MROH2A: variants seen among roughly 807,000 people sequenced by gnomAD.
The protein encoded by MROH2A is maestro heat like repeat family member 2A.
In MROH2A, 174 loss-of-function variants were observed where a neutral mutation model predicts 200.4. The ratio of observed to expected loss-of-function variants is 0.87; its 90% CI spans 0.77 to 0.98. MROH2A has a LOEUF of 0.98. Among genes scored for constraint, MROH2A ranks in the 50% least tolerant of loss-of-function variants. The probability of loss-of-function intolerance (pLI) is 0.00; values close to 1 mark genes in which losing one functional copy is unlikely to be tolerated. For missense variants in MROH2A, 2,045 were observed against 2,139.6 expected (o/e 0.96, Z 0.87); for synonymous variants, 829 against 840.4 (o/e 0.99, Z 0.23).
At chr2:233,794,247 C>T in intron 7 of MROH2A, 116 bp from the exon 8 acceptor site, 3 of 766,088 alleles carry the variant, frequency 3.9e-6, no homozygotes, top group Non-Finnish European at 6.4e-6. Flanking sequence ...AGACCTTGCT[C>T]TGCTTCTGAG....
chr2:233,824,991 T>C lies in MROH2A; in HGVS notation c.4113+1327T>C, dbSNP rs1338188388. Among the ~76,000 whole-genome samples, 3 of 152,240 alleles carry C rather than the reference T, an allele frequency of 2.0e-5. No homozygotes were observed. In the East Asian group the frequency reaches 5.8e-4, roughly 29 times the overall value. On this transcript the variant is annotated intron_variant, in intron 35 of 41. Transcript: ENST00000389758. ...TTTTTCCATTTGTTTGTGTACTCTC[T>C]GGTTTCTTTGAGCAGAGGTTTGTAG...
chr2:233,807,592 C>G lies in MROH2A; in HGVS notation c.2172+50C>G. The G allele has an allele frequency of 1.3e-6, 2 of 1,547,182 alleles. No individual in the cohort carries two copies. Among genetic ancestry groups the G allele is most frequent in the African/African-American group, 1.4e-5 (1 of 73,098 alleles). ...TGTCCACCAGATGCCTCTGGACCCTCGGGGACATGTGTGTTCATGTGGCTG... is the reference window on the plus strand; with the variant it reads ...TGTCCACCAGATGCCTCTGGACCCTGGGGGACATGTGTGTTCATGTGGCTG... On this transcript the variant is annotated intron_variant, in intron 20 of 41. Coordinates refer to ENST00000389758, the MANE Select transcript of MROH2A (RefSeq NM_001394639.1). This position sits in a 1 kb window ranked among gnomAD's most constrained non-coding sequence, Gnocchi z 4.3.
In MROH2A at chr2:233,828,931, C is replaced by T. The variant is rs1048550268; in HGVS notation, c.4305C>T (p.Gly1435=). 5.2e-6 allele frequency: 8 copies of T among 1,550,488 alleles called. No homozygotes were observed. Among genetic ancestry groups the T allele is most frequent in the Non-Finnish European group, 7.0e-6 (8 of 1,146,984 alleles). The change falls in exon 37 of 42, where the codon GGC becomes GGT. Residue 1435 remains glycine (G), a synonymous_variant. Transcript: ENST00000389758. This position sits in a 1 kb window ranked among gnomAD's most constrained non-coding sequence, Gnocchi z 4.6. The stretch of plus-strand genomic sequence containing the variant: ...AGGTCTTGCTGGAGAAGTGCCTGGG[C>T]CCCCTGAGGGAGCCCGTGAGCAACA... ...YRKVLLEKCL[G]PLREPVSNSV... is the part of the protein sequence containing the mutation.
chr2:233,792,458 G>A lies in MROH2A; in HGVS notation c.572-338G>A, dbSNP rs559641840. Among the ~76,000 whole-genome samples the A allele has an allele frequency of 8.5e-5, 13 of 152,050 alleles. No individual in the cohort carries two copies. The South Asian group carries it at 1.2e-3, about 15-fold the overall frequency. ...CTCCCGAGTGGTTGAGACTACAGGC[G>A]CCTGCCAACACGCCCGGCCAATTTT... On this transcript the variant is annotated intron_variant, in intron 5 of 41. Transcript: ENST00000389758.
rs1703728789 is a variant in MROH2A at position 233,818,769 on chromosome 2, A to G, written c.3203A>G (p.Lys1068Arg). The G allele has an allele frequency of 9.7e-6, 15 of 1,540,668 alleles. No individual in the cohort carries two copies. The East Asian group carries it at 3.4e-4, about 35-fold the overall frequency. Reference protein sequence around the residue: ...KIFCASSRIAKVVCMEFSCDE... With the variant: ...KIFCASSRIARVVCMEFSCDE... ...TTCTGTGCATCCTCCAGAATCGCCA[A>G]GGTGACAGCCGGGGAGCCTGCCTGG... The change falls in exon 29 of 42, where the codon AAG (lysine) becomes AGG (arginine). Residue 1068 changes from lysine to arginine, a missense_variant and splice_region_variant. Coordinates refer to ENST00000389758, the MANE Select transcript of MROH2A (RefSeq NM_001394639.1).
At chr2:233,800,465 C>A in intron 14 of MROH2A, 150 bp downstream of exon 14, 1 of 601,042 alleles carries the variant, frequency 1.7e-6, no homozygotes, top group Non-Finnish European at 2.9e-6. Context: ...TGGAATTACT[C>A]AAAACCCAGT....
intron 15 of MROH2A, 39 bp downstream of exon 15, chr2:233,802,354 G>A (rs949062970): frequency 4.6e-6 from 7 of 1,526,438 alleles, no homozygotes; most frequent in Non-Finnish European, 5.3e-6. Context: ...GATTGGGCAG[G>A]TGGGCTGGCT....
At chr2:233,830,477 A>G (rs1704651626) in intron 38 of MROH2A, among the ~76,000 whole-genome samples, 1 of 152,212 alleles carries the variant, frequency 6.6e-6, no homozygotes, top group Non-Finnish European at 1.5e-5. Context: ...CTAACATGAA[A>G]GAAATGCAAT....
Position 233,794,497 on chromosome 2 carries a change from C to T in MROH2A, c.957C>T (p.Phe319=), listed in dbSNP as rs754474595. ...AEYQGSLEVL[F]VTQVLRQILE... is the part of the protein sequence containing the mutation. ...ACCAGGGCAGTCTGGAGGTGCTCTT[C>T]GTCACGCAGGCGAGTGGCCAGGCAG... Residue 319 remains phenylalanine (F), a synonymous_variant, in exon 8 of 42, where the codon TTC becomes TTT. Coordinates refer to ENST00000389758, the MANE Select transcript of MROH2A (RefSeq NM_001394639.1). 14 of 1,520,970 alleles carry T rather than the reference C, an allele frequency of 9.2e-6. No individual in the cohort carries two copies. The African/African-American group carries it at 1.1e-4, about 12-fold the overall frequency. The allele number at this position is 1,520,970 out of a possible 1,614,324, so 94.2% of individuals were successfully genotyped here.
chr2:233,800,952 A>AAAT (rs1272885450), intron 14 of MROH2A, among the ~76,000 whole-genome samples: 3 of 152,280 alleles, frequency 2.0e-5, no homozygotes, highest in Middle Eastern at 3.4e-3. Flanking sequence ...TTAATTGCAG[A>AAAT]AATAATAATA....
chr2:233,794,585 G>T lies in MROH2A; in HGVS notation c.966+79G>T, dbSNP rs1008811049. On this transcript the variant is annotated intron_variant, in intron 8 of 41. Transcript: ENST00000389758. Reference sequence around the variant, plus strand: ...TCCCAAGTGTTTAAAGGGGATGAGTGGGAGCCGGGGGGATGTCAGATATTT... The same window carrying T: ...TCCCAAGTGTTTAAAGGGGATGAGTTGGAGCCGGGGGGATGTCAGATATTT... 1.7e-5 allele frequency: 12 copies of T among 711,970 alleles called. No homozygotes were observed. In the African/African-American group the frequency reaches 2.2e-4, roughly 13 times the overall value. The allele number at this position is 711,970 out of a possible 1,614,324, so 44.1% of individuals were successfully genotyped here. A position where few individuals can be genotyped will look rare whatever the true frequency, so the allele number is the denominator to read the frequency against.
chr2:233,784,923 G>A lies in MROH2A; in HGVS notation c.277-4574G>A, dbSNP rs189365575. On this transcript the variant is annotated intron_variant, in intron 3 of 41. Transcript: ENST00000389758. Reference sequence around the variant, plus strand: ...GAGCACTTTGGGAGCCAAGGCGGGCGGATCACGAGGTCAGGAGTTCGAGAG... The same window carrying A: ...GAGCACTTTGGGAGCCAAGGCGGGCAGATCACGAGGTCAGGAGTTCGAGAG... 8.5e-3 allele frequency among the ~76,000 whole-genome samples: 1,289 copies of A among 152,178 alleles called. 7 individuals are homozygous for A. The highest frequency in any genetic ancestry group is 0.014 in the South Asian group (68 of 4,820).
At chr2:233,791,929 G>A (rs1164718682) in intron 5 of MROH2A, among the ~76,000 whole-genome samples, 1 of 152,098 alleles carries the variant, frequency 6.6e-6, no homozygotes, top group African/African-American at 2.4e-5. Context: ...CTGAAGATGG[G>A]GGTGCACTCA....
At position 233,833,146 on chromosome 2, in the gene MROH2A, G is replaced by A; in HGVS notation, c.4912G>A (p.Glu1638Lys). ...TTTGTGTTCTCTCTCAGCCCTCCAG[G>A]AACTACAGCTGGACCCGGATCCCGG... ...DFPALRNSLQELQLDPDPGVR... is the reference protein window; with the variant it reads ...DFPALRNSLQKLQLDPDPGVR... Residue 1638 changes from glutamate to lysine, a missense_variant, in exon 42 of 42, where the codon GAA becomes AAA. Glu to Lys is a moderately conservative substitution (Grantham distance 56). This residue lies in a region of MROH2A where 1,201 missense variants were observed against 1,311.3 expected (regional missense o/e 0.92). Transcript: ENST00000389758. 6.5e-7 allele frequency: 1 copy of A among 1,546,902 alleles called. No homozygotes were observed.
Position 233,799,912 on chromosome 2 carries a change from G to C in MROH2A, c.1449+13G>C. 6.4e-7 allele frequency: 1 copy of C among 1,550,450 alleles called. No homozygotes were observed. On this transcript the variant is annotated intron_variant, in intron 13 of 41. Transcript: ENST00000389758. ...CACCTACAAACTGGTGAGTGGCCCT[G>C]ATACGCAGACCGCAGAGCAGCTGGA... is the stretch of plus-strand genomic sequence containing the variant.
At chr2:233,783,999 ACTTTT>A (rs1304174989) in intron 3 of MROH2A, among the ~76,000 whole-genome samples, 1 of 151,724 alleles carries the variant, frequency 6.6e-6, no homozygotes, top group Non-Finnish European at 1.5e-5. Context: ...CAAAAACTCA[ACTTTT>A]CTTTTGTTCT....
rs146052878 is a variant in MROH2A at position 233,802,449 on chromosome 2, A to G, written c.1708+134A>G. ...TGGAAACATCCAAGTCCAAATTAATACTATTAATGCCTACCTGGATATTAA... is the reference window on the plus strand; with the variant it reads ...TGGAAACATCCAAGTCCAAATTAATGCTATTAATGCCTACCTGGATATTAA... On this transcript the variant is annotated intron_variant, in intron 15 of 41. Transcript: ENST00000389758. 7.9e-4 allele frequency: 767 copies of G among 972,536 alleles called. 5 individuals are homozygous for G. The East Asian group carries it at 0.018, about 23-fold the overall frequency. 60.2% of individuals were successfully genotyped at this position (972,536 alleles called of 1,614,324 possible).
In MROH2A at chr2:233,825,544, TG is replaced by T. The variant is rs548732803; in HGVS notation, c.4113+1881del. On this transcript the variant is annotated intron_variant, in intron 35 of 41. Coordinates refer to ENST00000389758, the MANE Select transcript of MROH2A (RefSeq NM_001394639.1). ...AACATGAAGGGATGTTGAATTTTAT[TG>T]AAGGCCTTTTCTGCACCTATTGAGA... Among the ~76,000 whole-genome samples the T allele has an allele frequency of 2.6e-5, 4 of 152,334 alleles. No homozygotes were observed. In the East Asian group the frequency reaches 7.7e-4, roughly 29 times the overall value.
At chr2:233,778,210 C>T (rs1406916350), upstream of MROH2A, 2 of 153,896 alleles carry the variant, frequency 1.3e-5, no homozygotes, top group Non-Finnish European at 1.5e-5. Context: ...GAGCCCTGTG[C>T]ACTCTTCAAA....
Sources: allele counts gnomAD v4.1 joint callset (sites outside exome capture counted in the v4.1 genomes callset), GRCh38; gene constraint gnomAD v4.1.1; regional missense constraint gnomAD v4.1.1; non-coding constraint Gnocchi (gnomAD v3.1); transcripts MANE v1.5; gene names NCBI Gene and HGNC (gene_info 2026-07-23, HGNC 2026-07-21).